The following DCC variants were observed in gnomAD, a reference collection of about 807,000 sequenced individuals.
The protein encoded by DCC is netrin receptor DCC.
In DCC, 58 loss-of-function variants were observed where a neutral mutation model predicts 172.5. The ratio of observed to expected loss-of-function variants is 0.34; its 90% CI spans 0.27 to 0.42. The LOEUF (loss-of-function observed/expected upper bound fraction) is 0.42, where lower values mean the gene tolerates loss of function less well. Among genes scored for constraint, DCC ranks in the 10% least tolerant of loss-of-function variants. The pLI, the probability that DCC is intolerant of heterozygous loss-of-function variation, is 1.00. For synonymous variants in DCC, 709 were observed against 644.5 expected (o/e 1.10, Z -1.52); for missense variants, 1,740 against 1,791.0 (o/e 0.97, Z 0.51).
At chr18:53,075,040 A>G (rs1047031025) in intron 7 of DCC, among the ~76,000 whole-genome samples, 1 of 152,138 alleles carries the variant, frequency 6.6e-6, no homozygotes, top group African/African-American at 2.4e-5. Context: ...CTCAAGAAAA[A>G]TAGCAGGCAT....
At chr18:52,736,529 G>GT (rs2036733033) in intron 1 of DCC, among the ~76,000 whole-genome samples, 1 of 151,912 alleles carries the variant, frequency 6.6e-6, no homozygotes, top group Admixed American at 6.6e-5. Context: ...TTTTCATACT[G>GT]TTTTTTGAAC....
chr18:53,368,581 A>T (rs546685634), intron 15 of DCC, among the ~76,000 whole-genome samples: 1 of 152,176 alleles, frequency 6.6e-6, no homozygotes, highest in African/African-American at 2.4e-5. Flanking sequence ...GTTACATCTG[A>T]CATTTAAATC....
intron 5 of DCC, among the ~76,000 whole-genome samples, chr18:52,991,280 T>C (rs992567068): frequency 1.3e-5 from 2 of 152,210 alleles, no homozygotes; most frequent in African/African-American, 4.8e-5. Context: ...TTGTTTTAAG[T>C]AAGTGTCATC....
At chr18:53,051,010 G>T (rs2042326692) in intron 5 of DCC, among the ~76,000 whole-genome samples, 1 of 152,124 alleles carries the variant, frequency 6.6e-6, no homozygotes, top group Admixed American at 6.6e-5. Context: ...CAGGAGGACT[G>T]CTTGAGCCCA....
Position 53,410,604 on chromosome 18 carries a change from G to A in DCC, c.3088G>A (p.Val1030Met). The change falls in exon 20 of 29, where the codon GTG (valine) becomes ATG (methionine). Residue 1030 changes from valine (V) to methionine (M), a missense_variant. By Grantham distance (21) the Val-to-Met change is conservative. Around this residue, in one of 2 missense-constraint regions of DCC, gnomAD observed 1,732 missense variants for 1,767.4 expected, o/e 0.98. Transcript: ENST00000442544. ...FRIQARNSKG[V>M]GPLSDPILFR... Reference sequence around the variant, plus strand: ...AATTCAAGCACGAAATTCAAAAGGAGTGGGGCCACTCTCTGATCCTATCCT... The same window carrying A: ...AATTCAAGCACGAAATTCAAAAGGAATGGGGCCACTCTCTGATCCTATCCT... 6.2e-7 allele frequency: 1 copy of A among 1,610,684 alleles called. No individual in the cohort carries two copies. Among genetic ancestry groups the A allele is most frequent in the Non-Finnish European group, 8.5e-7 (1 of 1,176,886 alleles).
Position 52,620,986 on chromosome 18 carries a change from T to G in DCC, c.92-131068T>G, listed in dbSNP as rs182326441. 2.2e-3 allele frequency among the ~76,000 whole-genome samples: 336 copies of G among 152,306 alleles called. 2 individuals are homozygous for G. The highest frequency in any genetic ancestry group is 7.7e-3 in the African/African-American group (322 of 41,578). ...CTTCTGTCTCCCAACTCTTCATATT[T>G]GAGTGCTGGTCAGGAGAAGCCTGGG... On this transcript the variant is annotated intron_variant, in intron 1 of 28. Coordinates refer to ENST00000442544, the MANE Select transcript of DCC (RefSeq NM_005215.4).
At chr18:53,351,465 T>TATATATATATATATATATATATA (rs1568075523) in intron 15 of DCC, among the ~76,000 whole-genome samples, 2 of 17,448 alleles carry the variant, frequency 1.1e-4, no homozygotes, top group Admixed American at 3.6e-4. Flanking sequence ...ATACACAGTG[T>TATATATATATATATATATATATA]GTATATATAT....
At chr18:53,339,452 C>T (rs74868932) in intron 14 of DCC, among the ~76,000 whole-genome samples, 2,219 of 152,158 alleles carry the variant, frequency 0.015, 63 homozygotes, top group African/African-American at 0.051. Context: ...CCAAGTAAGA[C>T]GCTATTGGAA....
At chr18:52,677,371 G>A (rs1262648334) in intron 1 of DCC, among the ~76,000 whole-genome samples, 10 of 152,128 alleles carry the variant, frequency 6.6e-5, no homozygotes, top group African/African-American at 1.9e-4. Flanking sequence ...TGAGGCTGTT[G>A]TGAGGCTTAA....
chr18:52,934,158 C>T (rs543138234), intron 5 of DCC, among the ~76,000 whole-genome samples: 8 of 151,886 alleles, frequency 5.3e-5, no homozygotes, highest in South Asian at 4.1e-4. Flanking sequence ...CTAGTCCCTA[C>T]GTAGTTCTCA....
chr18:53,019,498 A>G (rs879865863), intron 5 of DCC, among the ~76,000 whole-genome samples: 1 of 152,130 alleles, frequency 6.6e-6, no homozygotes, highest in Non-Finnish European at 1.5e-5. Context: ...TTTTATTCCC[A>G]GGATTTACAT....
chr18:52,491,914 G>C (rs1376355290), intron 1 of DCC, among the ~76,000 whole-genome samples: 1 of 151,958 alleles, frequency 6.6e-6, no homozygotes, highest in Admixed American at 6.6e-5. Context: ...GCGCAGAGGA[G>C]TGGTCTTCTA....
At chr18:52,767,950 G>A (rs988453526) in intron 2 of DCC, among the ~76,000 whole-genome samples, 4 of 152,214 alleles carry the variant, frequency 2.6e-5, no homozygotes, top group African/African-American at 9.6e-5. Context: ...AGTTGAGAAT[G>A]TGTGTTAGGC....
At chr18:52,414,628 A>C (rs561984636) in intron 1 of DCC, among the ~76,000 whole-genome samples, 5 of 152,306 alleles carry the variant, frequency 3.3e-5, no homozygotes, top group African/African-American at 1.2e-4. Flanking sequence ...AAACAAGAAG[A>C]AGCCCAGTCC....
intron 5 of DCC, among the ~76,000 whole-genome samples, chr18:52,959,655 C>T (rs2040809093): frequency 6.6e-6 from 1 of 151,936 alleles, no homozygotes; most frequent in Non-Finnish European, 1.5e-5. Context: ...ATAATTTTAT[C>T]AAGCACTAGA....
intron 2 of DCC, among the ~76,000 whole-genome samples, chr18:52,849,638 G>A (rs2038945351): frequency 6.6e-6 from 1 of 152,070 alleles, no homozygotes; most frequent in Non-Finnish European, 1.5e-5. Context: ...AGCATCATTG[G>A]CAACAGAATA....
rs371955298 is a variant in DCC, at chr18:52,906,581, A to G, written c.697+253A>G. ...TCTCCTTTATTCATTCACTTGTTCT[A>G]TTAATATTTAGTGAGTATTTCTTTG... On this transcript the variant is annotated intron_variant, in intron 3 of 28. Transcript: ENST00000442544. Among the ~76,000 whole-genome samples, 26 of 145,318 alleles carry G rather than the reference A, an allele frequency of 1.8e-4. 1 individual carries two copies. In the Middle Eastern group the frequency reaches 0.011, roughly 60 times the overall value.
At chr18:52,611,140 CT>C (rs1010103538) in intron 1 of DCC, among the ~76,000 whole-genome samples, 11 of 152,160 alleles carry the variant, frequency 7.2e-5, no homozygotes, top group African/African-American at 2.4e-4. Context: ...TGACCCCCCC[CT>C]CCTGACAACC....
At chr18:52,515,464 G>A (rs2031597266) in intron 1 of DCC, among the ~76,000 whole-genome samples, 1 of 151,008 alleles carries the variant, frequency 6.6e-6, no homozygotes, top group Non-Finnish European at 1.5e-5. Context: ...AAAATTATCC[G>A]GGTGCAGTGG....
Sources: allele counts gnomAD v4.1 joint callset (sites outside exome capture counted in the v4.1 genomes callset), GRCh38; gene constraint gnomAD v4.1.1; regional missense constraint gnomAD v4.1.1; transcripts MANE v1.5; gene names NCBI Gene and HGNC (gene_info 2026-07-23, HGNC 2026-07-21).